KIAA0586: variants seen among roughly 807,000 people sequenced by gnomAD.
KIAA0586 encodes the protein KIAA0586, also known as protein TALPID3.
In KIAA0586, 144 loss-of-function variants were observed where a neutral mutation model predicts 169.8. The observed-to-expected ratio is 0.85, with a 90% CI of 0.74 to 0.97. The LOEUF is 0.97. Ranked by LOEUF, KIAA0586 falls within the 50% of genes least tolerant of loss-of-function variation. The pLI is 0.00. For missense variants in KIAA0586, 1,854 were observed against 1,823.0 expected (o/e 1.02, Z -0.31); for synonymous variants, 625 against 612.4 (o/e 1.02, Z -0.30).
intron 7 of KIAA0586, among the ~76,000 whole-genome samples, chr14:58,450,174 TTA>T (rs1467555769): frequency 6.6e-6 from 1 of 152,204 alleles, no homozygotes; most frequent in Non-Finnish European, 1.5e-5. Context: ...AACATCATAT[TTA>T]AAGCACATTT....
At chr14:58,498,351 T>C (rs183833675) in intron 26 of KIAA0586, among the ~76,000 whole-genome samples, 263 of 152,024 alleles carry the variant, frequency 1.7e-3, no homozygotes, top group African/African-American at 4.8e-3. Context: ...AATTTTTGTA[T>C]TTTTTGTCGA....
rs45595434 is a variant in KIAA0586, at chr14:58,430,742, T to A, written c.340+25T>A. 7.7e-3 allele frequency: 10,600 copies of A among 1,375,982 alleles called. 63 individuals carry two copies. The highest frequency in any genetic ancestry group is 9.8e-3 in the Non-Finnish European group (9,499 of 973,818). The allele number at this position is 1,375,982 out of a possible 1,614,324, so 85.2% of individuals were successfully genotyped here. Reference sequence around the variant, plus strand: ...GGTAAAAGAATAATATTGATTTTTTTAAATTGTGACAACATATACATAACA... The same window carrying A: ...GGTAAAAGAATAATATTGATTTTTTAAAATTGTGACAACATATACATAACA... On this transcript the variant is annotated intron_variant, in intron 3 of 30. Transcript: ENST00000652326.
intron 27 of KIAA0586, among the ~76,000 whole-genome samples, chr14:58,500,548 T>C (rs2043490843): frequency 6.6e-6 from 1 of 151,832 alleles, no homozygotes; most frequent in Non-Finnish European, 1.5e-5. Context: ...CTACTAAAAA[T>C]GCAAAAATTA....
At chr14:58,537,075 C>A in intron 29 of KIAA0586, 1 of 1,251,952 alleles carries the variant, frequency 8.0e-7, no homozygotes, top group Admixed American at 2.5e-5. Flanking sequence ...GTTGTGTTGA[C>A]CTAGTTGTAG....
chr14:58,537,416 C>G (rs1481685469), intron 29 of KIAA0586, among the ~76,000 whole-genome samples: 1 of 152,094 alleles, frequency 6.6e-6, no homozygotes, highest in African/African-American at 2.4e-5. Context: ...AGTTAATATT[C>G]TCATTACTTG....
At chr14:58,437,159 A>C (rs1339082448) in intron 4 of KIAA0586, among the ~76,000 whole-genome samples, 2 of 152,190 alleles carry the variant, frequency 1.3e-5, no homozygotes, top group Admixed American at 1.3e-4. Flanking sequence ...GGTAATGGGA[A>C]TCATGCTCAG....
chr14:58,510,622 T>C lies in KIAA0586; in HGVS notation c.4324-1900T>C, dbSNP rs111885469. On this transcript the variant is annotated intron_variant, in intron 28 of 30. Transcript: ENST00000652326. Reference sequence around the variant, plus strand: ...CCATATGAACCATGCATTTCACTCCTAGTTTCTCAAGAGAAACTAAAACAT... The same window carrying C: ...CCATATGAACCATGCATTTCACTCCCAGTTTCTCAAGAGAAACTAAAACAT... Among the ~76,000 whole-genome samples the C allele has an allele frequency of 1.4e-4, 21 of 152,332 alleles. 1 individual carries two copies. Among genetic ancestry groups the C allele is most frequent in the African/African-American group, 4.8e-4 (20 of 41,578 alleles).
chr14:58,521,523 T>G, intron 29 of KIAA0586: 1 of 779,690 alleles, frequency 1.3e-6, no homozygotes, highest in South Asian at 1.3e-5. Context: ...CTCCTCCTCC[T>G]ATTGCTCGGG....
chr14:58,487,059 CT>C lies in KIAA0586; in HGVS notation c.3199del (p.Ser1067HisfsTer10), dbSNP rs1157460789. ...CCACAGCCTACGCCTCCTTGCTCAC[CT>C]TCATCACCTGCTAAGGAGTGTGTTT... is the stretch of plus-strand genomic sequence containing the variant. Reference protein sequence around the residue: ...PTPQPTPPCSPSSPAKECVLV... With the variant: ...PTPQPTPPCSXSSPAKECVLV... On this transcript the variant is annotated frameshift_variant, in exon 22 of 31. Transcript: ENST00000652326. LOFTEE classifies it high-confidence loss of function. 6.2e-7 allele frequency: 1 copy of C among 1,613,422 alleles called. No individual in the cohort carries two copies. The highest frequency in any genetic ancestry group is 2.2e-5 in the East Asian group (1 of 44,862).
intron 27 of KIAA0586, among the ~76,000 whole-genome samples, chr14:58,506,949 C>T (rs1043381286): frequency 1.3e-5 from 2 of 151,790 alleles, no homozygotes; most frequent in Admixed American, 6.6e-5. Context: ...GGGTTTCAGA[C>T]CAGCCTTGGC....
intron 29 of KIAA0586, among the ~76,000 whole-genome samples, chr14:58,535,412 A>C (rs951581653): frequency 2.6e-4 from 39 of 152,232 alleles, no homozygotes; most frequent in African/African-American, 9.2e-4. Context: ...CAAGTACTTA[A>C]ATGCTTTTTA....
Position 58,464,566 on chromosome 14 carries a change from T to C in KIAA0586, c.2060-1269T>C, listed in dbSNP as rs185006380. ...TGTTCCATAGACATTTATTCACTTC[T>C]CCAAAGAGACATAAAGTCAAATTTT... On this transcript the variant is annotated intron_variant, in intron 14 of 30. Transcript: ENST00000652326. Among the ~76,000 whole-genome samples the C allele has an allele frequency of 1.4e-4, 21 of 152,302 alleles. No homozygotes were observed. The East Asian group carries it at 1.9e-3, about 14-fold the overall frequency.
chr14:58,526,408 C>T (rs898428721), intron 29 of KIAA0586, among the ~76,000 whole-genome samples: 1 of 152,154 alleles, frequency 6.6e-6, no homozygotes, highest in African/African-American at 2.4e-5. Flanking sequence ...TGGTAATACC[C>T]AAGCAAACAG....
intron 29 of KIAA0586, chr14:58,521,498 A>C: frequency 2.6e-6 from 2 of 761,864 alleles, no homozygotes; most frequent in Non-Finnish European, 4.8e-6. Context: ...ATGTACAGTT[A>C]CCCAGCACAT....
chr14:58,537,145 C>T (rs2046338398), intron 29 of KIAA0586: 2 of 1,087,252 alleles, frequency 1.8e-6, no homozygotes, highest in Non-Finnish European at 2.3e-6. Context: ...TCCAGTAAAC[C>T]TCGTAAATCA....
chr14:58,472,267 C>G lies in KIAA0586; in HGVS notation c.2622C>G (p.Ile874Met). The G allele has an allele frequency of 6.4e-7, 1 of 1,551,132 alleles. No homozygotes were observed. Among genetic ancestry groups the G allele is most frequent in the Non-Finnish European group, 8.7e-7 (1 of 1,144,758 alleles). The change falls in exon 18 of 31, where the codon ATC (isoleucine) becomes ATG (methionine). Residue 874 changes from isoleucine to methionine, a missense_variant. By Grantham distance (10) the Ile-to-Met change is conservative. Transcript: ENST00000652326. ...CAGGAACTAACTTTGATGAAATAAT[C>G]GATGTCATACAGGTAACAAAGCTTA... The part of the protein sequence containing the change: ...KFPGTNFDEI[I>M]DVIQEEEKCD...
chr14:58,459,761 A>C, intron 12 of KIAA0586, 82 bp from the exon 13 acceptor site: 1 of 799,490 alleles, frequency 1.3e-6, no homozygotes, highest in South Asian at 2.1e-5. Context: ...ATAGCAGCAA[A>C]AAATAAATTC....
chr14:58,531,455 C>T lies in KIAA0586; in HGVS notation c.4430-8616C>T, dbSNP rs189608809. ...TGAAAAAAGGCTCATCATCACTGCTCATTAGAGAAATACAAATCAAAACCA... is the reference window on the plus strand; with the variant it reads ...TGAAAAAAGGCTCATCATCACTGCTTATTAGAGAAATACAAATCAAAACCA... On this transcript the variant is annotated intron_variant, in intron 29 of 30. Coordinates refer to ENST00000652326, the MANE Select transcript of KIAA0586 (RefSeq NM_001329943.3). Among the ~76,000 whole-genome samples the T allele has an allele frequency of 9.1e-4, 139 of 152,272 alleles. 1 individual carries two copies. Among genetic ancestry groups the T allele is most frequent in the Middle Eastern group, 6.8e-3 (2 of 294 alleles).
intron 26 of KIAA0586, among the ~76,000 whole-genome samples, chr14:58,494,125 T>G (rs1164112261): frequency 1.3e-5 from 2 of 151,988 alleles, no homozygotes; most frequent in African/African-American, 2.4e-5. Context: ...TCCTTTCATT[T>G]TTCCCCCCTC....
Sources: allele counts gnomAD v4.1 joint callset (sites outside exome capture counted in the v4.1 genomes callset), GRCh38; gene constraint gnomAD v4.1.1; transcripts MANE v1.5; gene names NCBI Gene and HGNC (gene_info 2026-07-23, HGNC 2026-07-21).